TIAM2: variants seen among roughly 807,000 people sequenced by gnomAD.
The protein encoded by TIAM2 is TIAM Rac1 associated GEF 2, also known as rho guanine nucleotide exchange factor TIAM2.
A neutral mutation model predicts 152.9 loss-of-function variants in TIAM2; 80 were observed. The observed-to-expected ratio is 0.52, with a 90% CI of 0.44 to 0.63. The LOEUF is 0.63. Among genes scored for constraint, TIAM2 ranks in the 30% least tolerant of loss-of-function variants. TIAM2 has a pLI of 0.00. For missense variants in TIAM2, 1,965 were observed against 2,120.1 expected (o/e 0.93, Z 1.44); for synonymous variants, 804 against 838.0 (o/e 0.96, Z 0.70).
At chr6:155,144,577 G>T (rs773568222) in intron 5 of TIAM2, 29 bp from the exon 6 acceptor site, 4 of 1,489,594 alleles carry the variant, frequency 2.7e-6, no homozygotes, top group Non-Finnish European at 3.6e-6. Context: ...GGTCTGACCG[G>T]GATGTTATTT....
At chr6:155,023,739 G>GTA (rs1776543205) in intron 1 of TIAM2, among the ~76,000 whole-genome samples, 1 of 152,126 alleles carries the variant, frequency 6.6e-6, no homozygotes. Context: ...TTGAACTTGA[G>GTA]TATTTTTGTG....
intron 2 of TIAM2, among the ~76,000 whole-genome samples, chr6:155,100,287 A>G (rs1778525645): frequency 6.6e-6 from 1 of 152,208 alleles, no homozygotes; most frequent in Non-Finnish European, 1.5e-5. Context: ...AGGCAGGAGC[A>G]GGTGGCCAGC....
chr6:155,124,294 T>C (rs1415153695), intron 2 of TIAM2, among the ~76,000 whole-genome samples: 5 of 152,170 alleles, frequency 3.3e-5, no homozygotes, highest in African/African-American at 1.2e-4. Context: ...GTGCTGGGAT[T>C]ACAGGCTTGA....
chr6:155,210,653 C>T (rs1459384124), intron 14 of TIAM2, among the ~76,000 whole-genome samples: 1 of 152,156 alleles, frequency 6.6e-6, no homozygotes, highest in Non-Finnish European at 1.5e-5. Flanking sequence ...ATTTCTTAGC[C>T]TTTACTCTGG....
intron 2 of TIAM2, among the ~76,000 whole-genome samples, chr6:155,126,897 A>G (rs931230467): frequency 6.6e-6 from 1 of 151,664 alleles, no homozygotes; most frequent in Middle Eastern, 3.4e-3. Flanking sequence ...TCCAGCAGTG[A>G]GCACGGCCAG....
At chr6:155,038,092 A>G (rs573307224) in intron 1 of TIAM2, among the ~76,000 whole-genome samples, 44 of 152,322 alleles carry the variant, frequency 2.9e-4, no homozygotes, top group South Asian at 1.0e-3. Flanking sequence ...CAAACCTTCT[A>G]TTGAAGGGCA....
chr6:155,065,671 G>A (rs1357621696), intron 1 of TIAM2, among the ~76,000 whole-genome samples: 11 of 152,226 alleles, frequency 7.2e-5, no homozygotes. Flanking sequence ...CTCCATGGGA[G>A]GCTGAGGCAT....
chr6:155,078,712 T>G (rs1022320810), intron 1 of TIAM2, among the ~76,000 whole-genome samples: 1 of 152,224 alleles, frequency 6.6e-6, no homozygotes, highest in South Asian at 2.1e-4. Flanking sequence ...TGGCAGGCAA[T>G]CTTTCCTGCT....
intron 1 of TIAM2, among the ~76,000 whole-genome samples, chr6:155,082,665 C>CTAATAAAT (rs765607888): frequency 1.1e-5 from 1 of 93,378 alleles, no homozygotes; most frequent in African/African-American, 5.3e-5. Context: ...CAAAAAAACC[C>CTAATAAAT]CAATAAATAA....
intron 1 of TIAM2, among the ~76,000 whole-genome samples, chr6:155,000,228 T>A (rs1478673677): frequency 1.3e-5 from 2 of 152,070 alleles, no homozygotes; most frequent in Non-Finnish European, 2.9e-5. Context: ...GAGCCCCCTA[T>A]GATGTGTTAA....
chr6:155,160,335 G>A (rs938866004), intron 7 of TIAM2, among the ~76,000 whole-genome samples: 9 of 152,182 alleles, frequency 5.9e-5, no homozygotes, highest in African/African-American at 2.2e-4. Context: ...GGGGGTGTCA[G>A]CCTTTTTGTC....
At chr6:155,153,794 G>GT (rs1352875832) in intron 7 of TIAM2, among the ~76,000 whole-genome samples, 1 of 151,894 alleles carries the variant, frequency 6.6e-6, no homozygotes, top group African/African-American at 2.4e-5. Flanking sequence ...GCTAATTTTT[G>GT]TATTTTTAGT....
intron 9 of TIAM2, among the ~76,000 whole-genome samples, chr6:155,166,283 A>G (rs114469689): frequency 0.1 from 15,734 of 151,858 alleles, 891 homozygotes; most frequent in Middle Eastern, 0.16. Flanking sequence ...CCCTTGGGGA[A>G]AGGTGACTCT....
At chr6:155,202,724 G>A (rs977992710) in intron 14 of TIAM2, among the ~76,000 whole-genome samples, 1 of 151,390 alleles carries the variant, frequency 6.6e-6, no homozygotes, top group African/African-American at 2.4e-5. Flanking sequence ...CACCTCACTG[G>A]CCACAAAGTT....
At chr6:155,078,395 A>G (rs1047914648) in intron 1 of TIAM2, among the ~76,000 whole-genome samples, 1 of 152,176 alleles carries the variant, frequency 6.6e-6, no homozygotes, top group African/African-American at 2.4e-5. Context: ...GGCCTTTAGT[A>G]GCTGCCAGCA....
At chr6:155,172,140 A>G (rs1780599254) in intron 9 of TIAM2, among the ~76,000 whole-genome samples, 1 of 152,170 alleles carries the variant, frequency 6.6e-6, no homozygotes, top group Non-Finnish European at 1.5e-5. Flanking sequence ...ACTTCTGTGG[A>G]ATGCCCTCCA....
At chr6:155,231,421 T>G (rs1009568104) in intron 15 of TIAM2, among the ~76,000 whole-genome samples, 1 of 152,238 alleles carries the variant, frequency 6.6e-6, no homozygotes, top group African/African-American at 2.4e-5. Context: ...TTCATACAAT[T>G]TCCCTGGAGT....
intron 10 of TIAM2, among the ~76,000 whole-genome samples, chr6:155,178,263 G>C (rs1433625505): frequency 6.6e-6 from 1 of 151,340 alleles, no homozygotes; most frequent in African/African-American, 2.4e-5. Flanking sequence ...ATATGCATGC[G>C]AGAGAAAATA....
Position 155,217,214 on chromosome 6 carries a change from T to G in TIAM2, c.3168+5907T>G, listed in dbSNP as rs535263563. 228 of 1,081,778 alleles carry G rather than the reference T, an allele frequency of 2.1e-4. 3 individuals are homozygous for G. In the South Asian group the frequency reaches 2.4e-3, roughly 11 times the overall value. 67.0% of individuals were successfully genotyped at this position (1,081,778 alleles called of 1,614,324 possible). A position where few individuals can be genotyped will look rare whatever the true frequency, so the allele number is the denominator to read the frequency against. On this transcript the variant is annotated intron_variant, in intron 15 of 26. Coordinates refer to ENST00000682666, the MANE Select transcript of TIAM2 (RefSeq NM_012454.4). ...CTCTAAAAATGTCTAAAGACTGATA[T>G]GCAGATGAGAAGAGATGCCTTTCTC...
Sources: gnomAD v4.1 joint callset for allele counts (sites outside exome capture counted in the v4.1 genomes callset) on GRCh38, gnomAD v4.1.1 for gene constraint, MANE v1.5 for transcripts, NCBI Gene and HGNC (gene_info 2026-07-23, HGNC 2026-07-21) for gene names.